The following ZNF496 variants were observed in gnomAD, a reference collection of about 807,000 sequenced individuals.
The protein encoded by ZNF496 is NSD1 (nuclear receptor binding SET-domain containing 1)-interacting zinc finger protein 1.
ZNF496 carries 11 observed loss-of-function variants against 58.9 expected under a neutral mutation model. The ratio of observed to expected loss-of-function variants is 0.19; its 90% CI spans 0.12 to 0.31. ZNF496 has a LOEUF of 0.31. ZNF496 is among the 10% of genes least tolerant of loss of function. The pLI is 1.00. For missense variants in ZNF496, 660 were observed against 783.0 expected, an observed-to-expected ratio of 0.84 and a Z score of 1.88; for synonymous variants, 338 against 318.2, an observed-to-expected ratio of 1.06 and a Z score of -0.66.
chr1:247,308,232 T>C lies in ZNF496; in HGVS notation c.1006+243A>G, dbSNP rs1330831865. On this transcript the variant is annotated intron_variant, in intron 9 of 9. Transcript: ENST00000682384. This position sits in a 1 kb window ranked among gnomAD's most constrained non-coding sequence, Gnocchi z 4.5. Reference sequence around the variant, plus strand: ...TCGGCGGGGATCCTGAGGGGTTCAGTTCCTAACTGTCCCATGCCATCACCA... The same window carrying C: ...TCGGCGGGGATCCTGAGGGGTTCAGCTCCTAACTGTCCCATGCCATCACCA... 6.6e-6 allele frequency among the ~76,000 whole-genome samples: 1 copy of C among 151,890 alleles called. No individual in the cohort carries two copies. Among genetic ancestry groups the C allele is most frequent in the African/African-American group, 2.4e-5 (1 of 41,326 alleles).
chr1:247,312,243 C>T (rs1205392384), intron 6 of ZNF496: 2 of 152,150 alleles, frequency 1.3e-5, no homozygotes, highest in African/African-American at 2.4e-5. Context: ...TGCAGTGGCC[C>T]GTAAGTTCTA....
chr1:247,326,103 TATAC>T (rs1487415818), intron 5 of ZNF496, among the ~76,000 whole-genome samples: 1 of 149,830 alleles, frequency 6.7e-6, no homozygotes, highest in African/African-American at 2.5e-5. Flanking sequence ...CACACATATA[TATAC>T]ACACACATAT....
intron 5 of ZNF496, among the ~76,000 whole-genome samples, chr1:247,324,424 G>A (rs1375318281): frequency 6.6e-6 from 1 of 152,156 alleles, no homozygotes; most frequent in African/African-American, 2.4e-5. Context: ...CAGTAACAAC[G>A]TACTGTGTAC....
chr1:247,315,049 C>A (rs557990729), intron 6 of ZNF496, among the ~76,000 whole-genome samples: 14 of 144,570 alleles, frequency 9.7e-5, no homozygotes, highest in African/African-American at 3.3e-4. Flanking sequence ...CCAAGCCCAG[C>A]CTTGACTAGT....
intron 9 of ZNF496, chr1:247,307,431 T>G (rs2103018951): frequency 1.0e-6 from 1 of 985,446 alleles, no homozygotes. Flanking sequence ...TTGATGGGGC[T>G]GAGAGACATG....
At chr1:247,305,122 TAAGTG>T (rs1314335310) in intron 9 of ZNF496, among the ~76,000 whole-genome samples, 2 of 152,112 alleles carry the variant, frequency 1.3e-5, no homozygotes, top group African/African-American at 2.4e-5. Context: ...AAGATGTAAT[TAAGTG>T]AACATGACGA....
chr1:247,328,671 T>C lies in ZNF496; in HGVS notation c.574+12A>G. 1 of 1,568,324 alleles carries C rather than the reference T, an allele frequency of 6.4e-7. No individual in the cohort carries two copies. Among genetic ancestry groups the C allele is most frequent in the Non-Finnish European group, 8.6e-7 (1 of 1,157,388 alleles). On this transcript the variant is annotated intron_variant, in intron 5 of 9. Transcript: ENST00000682384. ...CCAGATCACCCCTGCTACACTCCCC[T>C]GGGCTGCATACCTGGGTCCCCGCTG...
rs1434096432 is a variant in ZNF496, at chr1:247,323,175, C to G, written c.630G>C (p.Val210=). The G allele has an allele frequency of 6.2e-7, 1 of 1,614,042 alleles. No homozygotes were observed. Among genetic ancestry groups the G allele is most frequent in the South Asian group, 1.1e-5 (1 of 91,052 alleles). Residue 210 remains valine, a synonymous_variant, in exon 6 of 10, where the codon GTG becomes GTC. Transcript: ENST00000682384. The part of the protein sequence containing the change: ...QEENVRDTQQ[V]TTLQLPPSRV... ...TCACCGGGGGTAGCTGGAGGGTGGT[C>G]ACCTGCTGTGTGTCCCGCACATTCT...
At position 247,328,753 on chromosome 1, in the gene ZNF496, G is replaced by C. The variant is rs1052422673; in HGVS notation, c.504C>G (p.Ala168=). ...PHSDLAKNQD[A]QPITLAQCLG... ...GGCACTGTGCCAGGGTTATGGGCTG[G>C]GCATCCTGGTTCTTTGCAAGGTCGC... The change falls in exon 5 of 10, where the codon GCC becomes GCG. Residue 168 remains alanine, a synonymous_variant. Coordinates refer to ENST00000682384, the MANE Select transcript of ZNF496 (RefSeq NM_032752.3). The C allele has an allele frequency of 1.2e-6, 2 of 1,613,706 alleles. No homozygotes were observed. The highest frequency in any genetic ancestry group is 8.5e-7 in the Non-Finnish European group (1 of 1,179,846).
Position 247,329,986 on chromosome 1 carries a change from T to G in ZNF496, c.-58A>C, listed in dbSNP as rs1007660233. The G allele has an allele frequency of 5.9e-6, 1 of 169,884 alleles. No individual in the cohort carries two copies. Among genetic ancestry groups the G allele is most frequent in the African/African-American group, 2.4e-5 (1 of 41,998 alleles). 10.5% of individuals were successfully genotyped at this position (169,884 alleles called of 1,614,324 possible). On this transcript the variant is annotated 5_prime_UTR_variant, in exon 3 of 10. Transcript: ENST00000682384. This position sits in a 1 kb window ranked among gnomAD's most constrained non-coding sequence, Gnocchi z 5.5. Reference sequence around the variant, plus strand: ...GGTACCTTGGGTGGCTGGGTCCTCCTGGAGAGATCCGAGATGGGCAGGCCA... The same window carrying G: ...GGTACCTTGGGTGGCTGGGTCCTCCGGGAGAGATCCGAGATGGGCAGGCCA...
chr1:247,320,938 G>T lies in ZNF496; in HGVS notation c.651+2216C>A, dbSNP rs1028033787. Among the ~76,000 whole-genome samples the T allele has an allele frequency of 2.7e-4, 41 of 152,208 alleles. 2 individuals carry two copies. The highest frequency in any genetic ancestry group is 8.8e-5 in the Non-Finnish European group (6 of 68,038). ...GCCTGTAATCCCAGCACTTTGGGAG[G>T]CCGAGGCAGGTGGATCACGAGGTCA... On this transcript the variant is annotated intron_variant, in intron 6 of 9. Coordinates refer to ENST00000682384, the MANE Select transcript of ZNF496 (RefSeq NM_032752.3).
At chr1:247,320,486 T>C (rs1391482952) in intron 6 of ZNF496, among the ~76,000 whole-genome samples, 1 of 151,944 alleles carries the variant, frequency 6.6e-6, no homozygotes, top group Non-Finnish European at 1.5e-5. Context: ...AGGGTGAGGG[T>C]AGGAAAGAAA....
At chr1:247,324,491 T>C (rs1660060385) in intron 5 of ZNF496, among the ~76,000 whole-genome samples, 1 of 151,846 alleles carries the variant, frequency 6.6e-6, no homozygotes, top group Non-Finnish European at 1.5e-5. Flanking sequence ...AGAAAAAGGA[T>C]AGGTATATGA....
intron 5 of ZNF496, among the ~76,000 whole-genome samples, chr1:247,327,141 T>C (rs971991700): frequency 6.6e-6 from 1 of 152,184 alleles, no homozygotes; most frequent in Non-Finnish European, 1.5e-5. Flanking sequence ...CTCAGCTCAC[T>C]GCAATCTCCG....
intron 6 of ZNF496, chr1:247,312,127 C>A (rs1017421131): frequency 2.6e-4 from 40 of 152,242 alleles, no homozygotes; most frequent in African/African-American, 9.6e-4. Flanking sequence ...AGTTCTGCTT[C>A]CCTTTTAAGT....
chr1:247,312,995 C>T (rs1317238741), intron 6 of ZNF496: 1 of 152,116 alleles, frequency 6.6e-6, no homozygotes, highest in Non-Finnish European at 1.5e-5. Flanking sequence ...GTTCTGGAGG[C>T]TAGGAAGTCC....
intron 6 of ZNF496, chr1:247,311,410 A>C (rs12030577): frequency 0.57 from 82,354 of 143,866 alleles, 23,461 homozygotes; most frequent in Middle Eastern, 0.78. Context: ...AAAAAAAAAA[A>C]AACAAAACAC....
At chr1:247,326,085 T>C (rs201298267) in intron 5 of ZNF496, among the ~76,000 whole-genome samples, 43 of 135,796 alleles carry the variant, frequency 3.2e-4, no homozygotes, top group Middle Eastern at 3.7e-3. Flanking sequence ...CACACACACA[T>C]ATATACACAC....
chr1:247,330,533 T>C (rs1033617365), intron 2 of ZNF496, among the ~76,000 whole-genome samples: 1 of 152,214 alleles, frequency 6.6e-6, no homozygotes, highest in Non-Finnish European at 1.5e-5. Flanking sequence ...CAGGGGTCCC[T>C]ACACCTCCCC....
Sources: gnomAD v4.1 joint callset for allele counts (sites outside exome capture counted in the v4.1 genomes callset) on GRCh38, gnomAD v4.1.1 for gene constraint, Gnocchi (gnomAD v3.1) non-coding constraint, MANE v1.5 for transcripts, NCBI Gene and HGNC (gene_info 2026-07-23, HGNC 2026-07-21) for gene names.